AMMECR1: variants seen among roughly 807,000 people sequenced by gnomAD.
AMMECR1 encodes AMMECR nuclear protein 1.
A neutral mutation model predicts 22.5 loss-of-function variants in AMMECR1; 3 were observed. The observed-to-expected ratio is 0.13, with a 90% confidence interval of 0.06 to 0.35. The LOEUF (loss-of-function observed/expected upper bound fraction) is 0.35, where lower values mean the gene tolerates loss of function less well. Ranked by LOEUF, AMMECR1 falls within the 10% of genes least tolerant of loss-of-function variation. The pLI, the probability that AMMECR1 is intolerant of heterozygous loss-of-function variation, is 1.00. For missense variants in AMMECR1, 235 were observed against 278.7 expected, an observed-to-expected ratio of 0.84 and a Z score of 1.12; for synonymous variants, 130 against 116.7, an observed-to-expected ratio of 1.11 and a Z score of -0.74.
chrX:110,222,155 A>G (rs1245083545), intron 2 of AMMECR1, among the ~76,000 whole-genome samples: 1 of 93,509 alleles, frequency 1.1e-5, no homozygotes, highest in Non-Finnish European at 2.1e-5. Context: ...ACGTATGTTT[A>G]TTGCGGCATT....
At chrX:110,232,889 C>CAAA (rs775605567) in intron 2 of AMMECR1, among the ~76,000 whole-genome samples, 2 of 11,917 alleles carry the variant, frequency 1.7e-4, no homozygotes, top group African/African-American at 4.4e-4. Context: ...GACTCAGTCT[C>CAAA]AAAAAAAAAA....
At chrX:110,393,968 G>A (rs182457478) in intron 2 of AMMECR1, among the ~76,000 whole-genome samples, 2 of 112,510 alleles carry the variant, frequency 1.8e-5, no homozygotes, top group East Asian at 2.8e-4. Context: ...TAAATGACAC[G>A]ATAGGAAAGC....
At chrX:110,362,081 C>T (rs1202156615) in intron 2 of AMMECR1, among the ~76,000 whole-genome samples, 2 of 111,680 alleles carry the variant, frequency 1.8e-5, no homozygotes, top group African/African-American at 3.3e-5. Context: ...ATATAGTAGG[C>T]ACATGATTTA....
chrX:110,327,160 T>A (rs1302265796), intron 2 of AMMECR1, among the ~76,000 whole-genome samples: 1 of 111,924 alleles, frequency 8.9e-6, no homozygotes, highest in African/African-American at 3.2e-5. Context: ...TGAGCTCAAA[T>A]GAAAGGTCTT....
At chrX:110,369,176 G>C (rs942932089) in intron 2 of AMMECR1, among the ~76,000 whole-genome samples, 6 of 110,421 alleles carry the variant, frequency 5.4e-5, no homozygotes, top group Admixed American at 9.6e-5. Flanking sequence ...ACTAAAAATA[G>C]AAAAAATTAA....
chrX:110,231,432 G>A (rs1313999027), intron 2 of AMMECR1, among the ~76,000 whole-genome samples: 1 of 111,992 alleles, frequency 8.9e-6, no homozygotes, highest in Non-Finnish European at 1.9e-5. Flanking sequence ...ATAAGTGAAG[G>A]AGAAATAAAA....
At position 110,377,940 on chromosome X, in the gene AMMECR1, C is replaced by T. The variant is rs181710564; in HGVS notation, c.-148+48718G>A. On this transcript the variant is annotated intron_variant, in intron 2 of 7. Transcript: ENST00000372057. ...AGGAGAATGGCGTGAACCCGGGAGG[C>T]GGAGCTTGCAGTGAGCCGAGATCGC... 6.7e-4 allele frequency among the ~76,000 whole-genome samples: 64 copies of T among 95,276 alleles called. 2 individuals are homozygous for T. In the East Asian group the frequency reaches 0.021, roughly 31 times the overall value. 82.7% of individuals were successfully genotyped at this position (95,276 alleles called of 115,157 possible). A position where few individuals can be genotyped will look rare whatever the true frequency, so the allele number is the denominator to read the frequency against.
intron 1 of AMMECR1, among the ~76,000 whole-genome samples, chrX:110,438,586 T>A (rs1266950829): frequency 9.0e-6 from 1 of 111,490 alleles, no homozygotes; most frequent in African/African-American, 3.3e-5. Flanking sequence ...CAGGCGGTAG[T>A]GAAGTCAGAA....
chrX:110,428,464 G>C (rs1346123647), intron 1 of AMMECR1, among the ~76,000 whole-genome samples: 1 of 111,714 alleles, frequency 9.0e-6, no homozygotes, highest in Non-Finnish European at 1.9e-5. Context: ...TCTGCAGAAC[G>C]AATAACTGAA....
chrX:110,364,832 T>C (rs2068286536), intron 2 of AMMECR1, among the ~76,000 whole-genome samples: 1 of 112,242 alleles, frequency 8.9e-6, no homozygotes, highest in Non-Finnish European at 1.9e-5. Flanking sequence ...TCTAAGAGCT[T>C]ACAGGGGGAA....
intron 2 of AMMECR1, among the ~76,000 whole-genome samples, chrX:110,326,516 T>C (rs2068098479): frequency 2.7e-5 from 3 of 112,067 alleles, no homozygotes; most frequent in Admixed American, 1.9e-4. Flanking sequence ...TTGAGGCTTC[T>C]TTTATGACCT....
At chrX:110,413,497 C>T (rs1050708809) in intron 2 of AMMECR1, among the ~76,000 whole-genome samples, 3 of 109,792 alleles carry the variant, frequency 2.7e-5, no homozygotes, top group African/African-American at 1.0e-4. Flanking sequence ...TTCTTTATAA[C>T]CATCCCCTCC....
At chrX:110,198,713 AAAGAT>A in intron 5 of AMMECR1, 79 bp from the exon 6 acceptor site, 1 of 705,432 alleles carries the variant, frequency 1.4e-6, no homozygotes, top group Non-Finnish European at 2.2e-6. Context: ...GAAGGACCTT[AAAGAT>A]AATTTTATAG....
chrX:110,382,587 C>T (rs1185336476), intron 2 of AMMECR1, among the ~76,000 whole-genome samples: 1 of 111,942 alleles, frequency 8.9e-6, no homozygotes, highest in Non-Finnish European at 1.9e-5. Flanking sequence ...AGTCTCCCTG[C>T]ATTAGAAGGC....
intron 2 of AMMECR1, among the ~76,000 whole-genome samples, chrX:110,330,278 T>G (rs1471435037): frequency 8.9e-6 from 1 of 111,896 alleles, no homozygotes. Context: ...CATTCAACCC[T>G]TCTTCATTTC....
intron 2 of AMMECR1, among the ~76,000 whole-genome samples, chrX:110,387,228 T>G (rs970222442): frequency 6.2e-5 from 7 of 112,241 alleles, no homozygotes; most frequent in African/African-American, 2.3e-4. Flanking sequence ...ATCCCCACAG[T>G]CCCACCTTTC....
At chrX:110,417,070 C>T (rs943963145) in intron 2 of AMMECR1, among the ~76,000 whole-genome samples, 1 of 112,211 alleles carries the variant, frequency 8.9e-6, no homozygotes, top group Non-Finnish European at 1.9e-5. Flanking sequence ...AGGATAGCCC[C>T]CTTCAAAGGC....
At chrX:110,254,392 T>C (rs992354655) in intron 2 of AMMECR1, among the ~76,000 whole-genome samples, 2 of 111,916 alleles carry the variant, frequency 1.8e-5, no homozygotes, top group African/African-American at 6.5e-5. Context: ...GCAAATAAAA[T>C]TTAAAAATTT....
chrX:110,400,740 A>C (rs2068558805), intron 2 of AMMECR1, among the ~76,000 whole-genome samples: 1 of 111,598 alleles, frequency 9.0e-6, no homozygotes, highest in African/African-American at 3.3e-5. Flanking sequence ...CTCTATTATA[A>C]TGTTTTATAT....
Sources: gnomAD v4.1 joint callset for allele counts (sites outside exome capture counted in the v4.1 genomes callset) on GRCh38, gnomAD v4.1.1 for gene constraint, MANE v1.5 for transcripts, NCBI Gene and HGNC (gene_info 2026-07-23, HGNC 2026-07-21) for gene names.